Variants in POLE2 observed in about 807,000 individuals in gnomAD.
POLE2 encodes the protein DNA polymerase epsilon subunit 2.
Under a neutral mutation model 79.4 loss-of-function variants are expected in POLE2, and 56 were observed. The observed-to-expected ratio is 0.71, with a 90% CI of 0.57 to 0.88. POLE2 has a LOEUF of 0.88. Among genes scored for constraint, POLE2 ranks in the 40% least tolerant of loss-of-function variants. The pLI is 0.00. For missense variants in POLE2, 598 were observed against 638.9 expected (o/e 0.94, Z 0.69); for synonymous variants, 212 against 214.0 (o/e 0.99, Z 0.08).
At chr14:49,671,383 C>T (rs1199959397) in intron 5 of POLE2, among the ~76,000 whole-genome samples, 1 of 152,080 alleles carries the variant, frequency 6.6e-6, no homozygotes, top group African/African-American at 2.4e-5. Flanking sequence ...CTTTGGGAGG[C>T]CGAGGCGGGT....
rs1339199745 is a variant in POLE2 at position 49,644,905 on chromosome 14, G to T, written c.1566-1235C>A. On this transcript the variant is annotated intron_variant, in intron 18 of 18. Coordinates refer to ENST00000216367, the MANE Select transcript of POLE2 (RefSeq NM_002692.4). ...AAAATACAAAAAATCAGCCAGGCGT[G>T]GTGGCATGTGCCTGTGATCCCAGCT... Among the ~76,000 whole-genome samples the T allele has an allele frequency of 5.9e-5, 9 of 152,010 alleles. 1 individual carries two copies. The highest frequency in any genetic ancestry group is 5.9e-4 in the Admixed American group (9 of 15,224).
At chr14:49,651,398 G>T in intron 15 of POLE2, 21 bp from the exon 16 acceptor site, 1 of 1,017,100 alleles carries the variant, frequency 9.8e-7, no homozygotes, top group Non-Finnish European at 1.5e-6. Context: ...AACAGTAGTT[G>T]AATTTGACTT....
intron 10 of POLE2, among the ~76,000 whole-genome samples, chr14:49,657,079 C>G (rs539244330): frequency 4.4e-4 from 66 of 150,534 alleles, no homozygotes; most frequent in African/African-American, 1.6e-3. Flanking sequence ...TGCCACTGCA[C>G]TCCAGCTTGG....
intron 3 of POLE2, 64 bp downstream of exon 3, chr14:49,679,661 A>G (rs758811911): frequency 1.3e-6 from 1 of 788,750 alleles, no homozygotes; most frequent in African/African-American, 1.7e-5. Flanking sequence ...TTCCAAGACA[A>G]TAATTAAAAA....
chr14:49,664,279 G>A (rs1885312544), intron 9 of POLE2, among the ~76,000 whole-genome samples: 1 of 150,596 alleles, frequency 6.6e-6, no homozygotes, highest in Non-Finnish European at 1.5e-5. Context: ...AACCCGGGAG[G>A]CGGAGGTTGC....
chr14:49,668,325 G>T (rs1445378803), intron 6 of POLE2, among the ~76,000 whole-genome samples: 1 of 151,166 alleles, frequency 6.6e-6, no homozygotes, highest in African/African-American at 2.4e-5. Context: ...GAAGGCAAAA[G>T]AACCTAGCTA....
chr14:49,651,393 T>A lies in POLE2; in HGVS notation c.1212-16A>T. The A allele has an allele frequency of 1.8e-6, 2 of 1,108,438 alleles. No homozygotes were observed. Among genetic ancestry groups the A allele is most frequent in the South Asian group, 1.5e-5 (1 of 66,892 alleles). The allele number at this position is 1,108,438 out of a possible 1,614,324, so 68.7% of individuals were successfully genotyped here. On this transcript the variant is annotated splice_polypyrimidine_tract_variant and intron_variant, in intron 15 of 18. Coordinates refer to ENST00000216367, the MANE Select transcript of POLE2 (RefSeq NM_002692.4). The stretch of plus-strand genomic sequence containing the variant: ...GTACTGAATTCTGAAATGAAAACAG[T>A]AGTTGAATTTGACTTCTCAGAAAAA...
In POLE2 at chr14:49,648,022, G is replaced by C. The variant is rs190268352; in HGVS notation, c.1498-662C>G. 3.3e-5 allele frequency among the ~76,000 whole-genome samples: 5 copies of C among 152,314 alleles called. No homozygotes were observed. In the East Asian group the frequency reaches 9.6e-4, roughly 29 times the overall value. The stretch of plus-strand genomic sequence containing the variant: ...AGACTGTGTAACGCCAAATATGCAT[G>C]TGAGACAATCAGCAAGTTCAAGAAG... On this transcript the variant is annotated intron_variant, in intron 17 of 18. Coordinates refer to ENST00000216367, the MANE Select transcript of POLE2 (RefSeq NM_002692.4).
At chr14:49,664,719 T>TA (rs745867991) in intron 8 of POLE2, 45 bp from the exon 9 acceptor site, 1 of 1,209,580 alleles carries the variant, frequency 8.3e-7, no homozygotes, top group South Asian at 1.2e-5. Flanking sequence ...GAGGCAGTAA[T>TA]AAAGTCAACA....
chr14:49,666,194 A>T (rs932591130), intron 7 of POLE2, 136 bp downstream of exon 7: 9 of 628,266 alleles, frequency 1.4e-5, no homozygotes, highest in Non-Finnish European at 2.6e-5. Context: ...TATTACCACT[A>T]TTCCAATATT....
intron 17 of POLE2, among the ~76,000 whole-genome samples, chr14:49,649,219 T>G (rs1884010115): frequency 7.2e-6 from 1 of 139,770 alleles, no homozygotes; most frequent in East Asian, 2.3e-4. Flanking sequence ...CGATCTTGGC[T>G]CACTACAAGC....
At chr14:49,674,801 G>A (rs891507675) in intron 3 of POLE2, among the ~76,000 whole-genome samples, 3 of 151,990 alleles carry the variant, frequency 2.0e-5, no homozygotes, top group Admixed American at 2.0e-4. Flanking sequence ...CCCGACCTCA[G>A]GAAATCCACT....
chr14:49,683,298 A>C (rs1886866363), intron 2 of POLE2, among the ~76,000 whole-genome samples: 1 of 152,146 alleles, frequency 6.6e-6, no homozygotes, highest in African/African-American at 2.4e-5. Flanking sequence ...CCTACTCGTG[A>C]GGCTGAGACA....
Position 49,651,287 on chromosome 14 carries a change from A to G in POLE2, c.1302T>C (p.Asn434=), listed in dbSNP as rs748941607. Residue 434 remains asparagine (N), a synonymous_variant, in exon 16 of 19, where the codon AAT becomes AAC. Coordinates refer to ENST00000216367, the MANE Select transcript of POLE2 (RefSeq NM_002692.4). ...CACTTACGTGATTAGGAATAGCCAA[A>G]TTGCTGCTAGGAAAACGGACGCAGT... ...CRNCVRFPSS[N]LAIPNHFVKT... 2.9e-5 allele frequency: 46 copies of G among 1,584,366 alleles called. No individual in the cohort carries two copies. In the South Asian group the frequency reaches 5.1e-4, roughly 18 times the overall value.
rs1158614740 is a variant in POLE2 at position 49,663,399 on chromosome 14, T to C, written c.683-12A>G. 2 of 1,589,490 alleles carry C rather than the reference T, an allele frequency of 1.3e-6. No individual in the cohort carries two copies. The highest frequency in any genetic ancestry group is 1.7e-6 in the Non-Finnish European group (2 of 1,161,926). On this transcript the variant is annotated splice_polypyrimidine_tract_variant and intron_variant, in intron 9 of 18. Coordinates refer to ENST00000216367, the MANE Select transcript of POLE2 (RefSeq NM_002692.4). ...ATCTTCAAACCAACCTGAAAAAAAG[T>C]AACGTCACTTTCATTTGTCTAATCC...
At chr14:49,672,772 T>G (rs1205536241) in intron 5 of POLE2, among the ~76,000 whole-genome samples, 1 of 152,204 alleles carries the variant, frequency 6.6e-6, no homozygotes, top group East Asian at 1.9e-4. Context: ...GTGCTGGGAT[T>G]ACAGGCGTGA....
At chr14:49,686,829 A>G (rs1887171894) in intron 1 of POLE2, among the ~76,000 whole-genome samples, 1 of 152,196 alleles carries the variant, frequency 6.6e-6, no homozygotes, top group Non-Finnish European at 1.5e-5. Flanking sequence ...TCAAGGACCA[A>G]TTGAACAAAA....
At chr14:49,650,195 T>A in intron 17 of POLE2, 70 bp downstream of exon 17, 2 of 736,084 alleles carry the variant, frequency 2.7e-6, no homozygotes, top group Non-Finnish European at 4.0e-6. Flanking sequence ...ATTAAATATA[T>A]ATTTTTAAAT....
intron 10 of POLE2, among the ~76,000 whole-genome samples, chr14:49,656,083 C>T (rs1231536146): frequency 2.0e-5 from 3 of 152,110 alleles, no homozygotes; most frequent in Admixed American, 6.5e-5. Context: ...CGGCCGGGCA[C>T]GGTGGCTCAC....
Sources: gnomAD v4.1 joint callset for allele counts (sites outside exome capture counted in the v4.1 genomes callset) on GRCh38, gnomAD v4.1.1 for gene constraint, MANE v1.5 for transcripts, NCBI Gene and HGNC (gene_info 2026-07-23, HGNC 2026-07-21) for gene names.